CUL3: variants seen among roughly 807,000 people sequenced by gnomAD.
CUL3 encodes cullin-3.
Under a neutral mutation model 89.1 loss-of-function variants are expected in CUL3, and 19 were observed. That is an observed-to-expected ratio of 0.21 (90% CI 0.15 to 0.31). The LOEUF (loss-of-function observed/expected upper bound fraction) is 0.31, where lower values mean the gene tolerates loss of function less well. Ranked by LOEUF, CUL3 falls within the 10% of genes least tolerant of loss-of-function variation. CUL3 has a pLI of 1.00. For missense variants in CUL3, 469 were observed against 942.3 expected (o/e 0.50, Z 6.58); for synonymous variants, 351 against 308.4 (o/e 1.14, Z -1.45).
At position 224,500,627 on chromosome 2, in the gene CUL3, CTTTTTTTTTT is replaced by C. The variant is rs11350781; in HGVS notation, c.1486-150_1486-141del. The C allele has an allele frequency of 1.5e-4, 59 of 396,328 alleles. 1 individual carries two copies. The highest frequency in any genetic ancestry group is 9.1e-4 in the South Asian group (19 of 20,788). 24.6% of individuals were successfully genotyped at this position (396,328 alleles called of 1,614,324 possible). A position where few individuals can be genotyped will look rare whatever the true frequency, so the allele number is the denominator to read the frequency against. ...TTTAAAAAAAAGCAGATTTTCTTTT[CTTTTTTTTTT>C]TTTTTTTGAGACAGAGTTTCGCTCG... On this transcript the variant is annotated intron_variant, in intron 10 of 15. Coordinates refer to ENST00000264414, the MANE Select transcript of CUL3 (RefSeq NM_003590.5).
At chr2:224,567,796 C>T (rs1455417318) in intron 1 of CUL3, among the ~76,000 whole-genome samples, 2 of 151,828 alleles carry the variant, frequency 1.3e-5, no homozygotes, top group African/African-American at 4.8e-5. Context: ...ACACTATGAA[C>T]TCCAACCTCA....
intron 3 of CUL3, among the ~76,000 whole-genome samples, chr2:224,526,800 G>A (rs560756177): frequency 6.8e-6 from 1 of 146,360 alleles, no homozygotes; most frequent in African/African-American, 2.5e-5. Context: ...CTGGGCGACA[G>A]AGCAAGACTA....
chr2:224,517,285 T>TTTGCATCCTG lies in CUL3; in HGVS notation c.379-2523_379-2514dup, dbSNP rs1254257708. 2.0e-5 allele frequency among the ~76,000 whole-genome samples: 3 copies of TTTGCATCCTG among 152,168 alleles called. No individual in the cohort carries two copies. The East Asian group carries it at 5.8e-4, about 29-fold the overall frequency. On this transcript the variant is annotated intron_variant, in intron 3 of 15. Transcript: ENST00000264414. ...GGAAACTATTAAACATATACACACA[T>TTTGCATCCTG]TTGCATCCTGAACATTTTAATTTAA...
At position 224,474,270 on chromosome 2, in the gene CUL3, C is replaced by A. The variant is rs766471279; in HGVS notation, c.2282G>T (p.Arg761Leu). The stretch of plus-strand genomic sequence containing the variant: ...TTATGCTACATATGTGTATACTTTG[C>A]GATCCTCAGGTGTTCGTGCCAAATA... ...REYLARTPEDRKVYTYVA is the reference protein window; with the variant it reads ...REYLARTPEDLKVYTYVA Residue 761 changes from arginine to leucine, a missense_variant, in exon 16 of 16, where the codon CGC (arginine) becomes CTC (leucine). By Grantham distance (102) the Arg-to-Leu change is moderately radical. Around this residue, in one of 4 missense-constraint regions of CUL3, gnomAD observed 65 missense variants for 147.8 expected, o/e 0.44. Transcript: ENST00000264414. The A allele has an allele frequency of 1.2e-6, 2 of 1,613,748 alleles. No individual in the cohort carries two copies. Among genetic ancestry groups the A allele is most frequent in the Non-Finnish European group, 8.5e-7 (1 of 1,179,768 alleles).
intron 15 of CUL3, among the ~76,000 whole-genome samples, chr2:224,474,746 G>C (rs1319038737): frequency 1.3e-5 from 2 of 152,096 alleles, no homozygotes; most frequent in African/African-American, 4.8e-5. Context: ...ACAAACTCCG[G>C]ACTCAGAGTA....
chr2:224,584,786 C>T (rs1035260605), intron 1 of CUL3, among the ~76,000 whole-genome samples, 158 bp downstream of exon 1: 1 of 146,616 alleles, frequency 6.8e-6, no homozygotes, highest in Non-Finnish European at 1.5e-5. Flanking sequence ...GGGCCCCGCG[C>T]CGCCCGGTTG....
Position 224,495,665 on chromosome 2 carries a change from A to C in CUL3, c.1842+167T>G, listed in dbSNP as rs16866012. The C allele has an allele frequency of 1.8e-3, 888 of 482,920 alleles. 9 individuals are homozygous for C. Among genetic ancestry groups the C allele is most frequent in the African/African-American group, 0.016 (793 of 49,990 alleles). 29.9% of individuals were successfully genotyped at this position (482,920 alleles called of 1,614,324 possible). On this transcript the variant is annotated intron_variant, in intron 13 of 15. Coordinates refer to ENST00000264414, the MANE Select transcript of CUL3 (RefSeq NM_003590.5). ...TAAAGTTAATTTAAAAATAAGACATAACTCAATACATGTATGATGTTCATA... is the reference window on the plus strand; with the variant it reads ...TAAAGTTAATTTAAAAATAAGACATCACTCAATACATGTATGATGTTCATA...
intron 1 of CUL3, among the ~76,000 whole-genome samples, chr2:224,568,277 G>A (rs1205085236): frequency 1.3e-5 from 2 of 152,074 alleles, no homozygotes; most frequent in African/African-American, 4.8e-5. Context: ...TCGTTTATAT[G>A]GGAATGTGGT....
intron 1 of CUL3, among the ~76,000 whole-genome samples, chr2:224,577,484 G>A (rs1488379743): frequency 6.6e-6 from 1 of 152,046 alleles, no homozygotes; most frequent in African/African-American, 2.4e-5. Flanking sequence ...CAGGAGAATG[G>A]CGTGAACCCG....
At chr2:224,572,644 AAAAAAAAAGGT>A (rs1695208282) in intron 1 of CUL3, among the ~76,000 whole-genome samples, 1 of 151,784 alleles carries the variant, frequency 6.6e-6, no homozygotes, top group South Asian at 2.1e-4. Flanking sequence ...AAAAAAAAAA[AAAAAAAAAGGT>A]GGGGTCTTCA....
At chr2:224,526,585 CAAAAAA>C (rs1166152595) in intron 3 of CUL3, among the ~76,000 whole-genome samples, 17 of 26,168 alleles carry the variant, frequency 6.5e-4, no homozygotes, top group African/African-American at 9.7e-4. Context: ...GACTCCGTCT[CAAAAAA>C]AAAAAAAAAA....
intron 3 of CUL3, among the ~76,000 whole-genome samples, chr2:224,518,766 C>A (rs1386442847): frequency 3.9e-5 from 6 of 152,110 alleles, no homozygotes; most frequent in African/African-American, 1.4e-4. Context: ...AAATAATATA[C>A]ATGCAGGATC....
rs1228116855 is a variant in CUL3, at chr2:224,472,981, A to C, written c.*1264T>G. On this transcript the variant is annotated 3_prime_UTR_variant, in exon 16 of 16. Coordinates refer to ENST00000264414, the MANE Select transcript of CUL3 (RefSeq NM_003590.5). ...TCTGAAACATTGTCTTATGAAAACA[A>C]AATGAAACAAAATTAAATAAAATTG... is the stretch of plus-strand genomic sequence containing the variant. 1 of 203,796 alleles carries C rather than the reference A, an allele frequency of 4.9e-6. No individual in the cohort carries two copies. Among genetic ancestry groups the C allele is most frequent in the Non-Finnish European group, 1.0e-5 (1 of 99,184 alleles). The allele number at this position is 203,796 out of a possible 1,614,324, so 12.6% of individuals were successfully genotyped here.
At chr2:224,559,452 C>CAAA (rs34898102) in intron 1 of CUL3, among the ~76,000 whole-genome samples, 16 of 67,486 alleles carry the variant, frequency 2.4e-4, no homozygotes, top group South Asian at 5.1e-4. Context: ...GATTGTGTCT[C>CAAA]AAAAAAAAAA....
chr2:224,471,366 C>T lies in CUL3; in HGVS notation c.*2879G>A, dbSNP rs1044523198. The T allele has an allele frequency of 2.5e-5, 5 of 199,522 alleles. No individual in the cohort carries two copies. The highest frequency in any genetic ancestry group is 1.6e-4 in the East Asian group (2 of 12,738). The allele number at this position is 199,522 out of a possible 1,614,324, so 12.4% of individuals were successfully genotyped here. A position where few individuals can be genotyped will look rare whatever the true frequency, so the allele number is the denominator to read the frequency against. The stretch of plus-strand genomic sequence containing the variant: ...TCTTAAACTGTAAACATTAAAACTG[C>T]TTTCCAAATTAAGGAATTAAATAAT... On this transcript the variant is annotated 3_prime_UTR_variant, in exon 16 of 16. Transcript: ENST00000264414.
chr2:224,489,709 G>GA (rs1384681404), intron 13 of CUL3, among the ~76,000 whole-genome samples: 1 of 151,980 alleles, frequency 6.6e-6, no homozygotes, highest in Non-Finnish European at 1.5e-5. Flanking sequence ...TTTCTTCACA[G>GA]AAAGAGAAAA....
At chr2:224,558,781 G>A (rs368453855) in intron 1 of CUL3, among the ~76,000 whole-genome samples, 7 of 152,218 alleles carry the variant, frequency 4.6e-5, no homozygotes, top group South Asian at 4.1e-4. Flanking sequence ...AGTGGCTCAC[G>A]TCTGGAATCC....
chr2:224,471,675 TG>T lies in CUL3; in HGVS notation c.*2569del, dbSNP rs1450569826. On this transcript the variant is annotated 3_prime_UTR_variant, in exon 16 of 16. Coordinates refer to ENST00000264414, the MANE Select transcript of CUL3 (RefSeq NM_003590.5). ...TAAGTTCACTGACATAAAGAATCCT[TG>T]CAATCACAACCACTTTTTGTGAGGC... is the stretch of plus-strand genomic sequence containing the variant. 4.6e-6 allele frequency: 1 copy of T among 218,792 alleles called. No homozygotes were observed. Among genetic ancestry groups the T allele is most frequent in the Non-Finnish European group, 9.2e-6 (1 of 109,024 alleles). 13.6% of individuals were successfully genotyped at this position (218,792 alleles called of 1,614,324 possible). A position where few individuals can be genotyped will look rare whatever the true frequency, so the allele number is the denominator to read the frequency against.
chr2:224,503,927 T>C lies in CUL3; in HGVS notation c.1207-105A>G, dbSNP rs560689787. ...ACACTATTGTTTGAAAACATAGATA[T>C]CTGGTTGACATACATCAAAAAAAGG... On this transcript the variant is annotated intron_variant, in intron 8 of 15. Transcript: ENST00000264414. 45 of 861,298 alleles carry C rather than the reference T, an allele frequency of 5.2e-5. No homozygotes were observed. In the African/African-American group the frequency reaches 6.5e-4, roughly 12 times the overall value. 53.4% of individuals were successfully genotyped at this position (861,298 alleles called of 1,614,324 possible).
Sources: allele counts gnomAD v4.1 joint callset (sites outside exome capture counted in the v4.1 genomes callset), GRCh38; gene constraint gnomAD v4.1.1; regional missense constraint gnomAD v4.1.1; transcripts MANE v1.5; gene names NCBI Gene and HGNC (gene_info 2026-07-23, HGNC 2026-07-21).